RDX: variants seen among roughly 807,000 people sequenced by gnomAD.
The protein encoded by RDX is deafness, autosomal recessive 24.
In RDX, 32 loss-of-function variants were observed where a neutral mutation model predicts 83.7. The observed-to-expected ratio is 0.38, with a 90% CI of 0.29 to 0.51. RDX has a LOEUF of 0.51. RDX is among the 20% of genes least tolerant of loss of function. The pLI is 0.87. For missense variants in RDX, 600 were observed against 689.9 expected, an observed-to-expected ratio of 0.87 and a Z score of 1.46; for synonymous variants, 229 against 222.7, an observed-to-expected ratio of 1.03 and a Z score of -0.25.
chr11:110,196,257 A>G (rs1863205909), intron 15 of RDX: 1 of 152,236 alleles, frequency 6.6e-6, no homozygotes, highest in Admixed American at 6.5e-5. Flanking sequence ...TCAGTTGAAA[A>G]GGCATGACCC....
At chr11:110,281,351 CA>C (rs1336140847) in intron 1 of RDX, among the ~76,000 whole-genome samples, 1 of 148,472 alleles carries the variant, frequency 6.7e-6, no homozygotes, top group Non-Finnish European at 1.5e-5. Flanking sequence ...GATGGAGTCT[CA>C]CTCTGTCGCC....
intron 2 of RDX, among the ~76,000 whole-genome samples, chr11:110,274,551 G>A (rs1164983350): frequency 1.3e-5 from 2 of 152,116 alleles, no homozygotes; most frequent in African/African-American, 2.4e-5. Context: ...GAGCACAGTG[G>A]CAGAATCCCA....
At position 110,286,432 on chromosome 11, in the gene RDX, C is replaced by T. The variant is rs181253195; in HGVS notation, c.-64-6676G>A. Among the ~76,000 whole-genome samples, 196 of 152,334 alleles carry T rather than the reference C, an allele frequency of 1.3e-3. 1 individual carries two copies. The highest frequency in any genetic ancestry group is 4.4e-3 in the African/African-American group (185 of 41,582). On this transcript the variant is annotated intron_variant, in intron 1 of 13. Transcript: ENST00000645495. ...CTGAGGGTAACCCTCAGTCTCCTTT[C>T]TACCTAATGCAATGGAAAAATAGCC...
intron 11 of RDX, 122 bp downstream of exon 11, chr11:110,237,370 A>T: frequency 1.2e-6 from 1 of 852,130 alleles, no homozygotes; most frequent in Non-Finnish European, 1.8e-6. Context: ...TTATTAAGTT[A>T]CATGTTATCT....
chr11:110,276,583 C>G (rs1478430570), intron 2 of RDX, among the ~76,000 whole-genome samples: 2 of 152,134 alleles, frequency 1.3e-5, no homozygotes. Context: ...TAAGAATTAA[C>G]ATTTTTATTA....
intron 3 of RDX, among the ~76,000 whole-genome samples, chr11:110,265,240 A>G (rs1173474822): frequency 1.3e-5 from 2 of 151,424 alleles, no homozygotes; most frequent in Admixed American, 6.6e-5. Flanking sequence ...ACAGGTATGC[A>G]CTACCACGCC....
chr11:110,238,636 G>T (rs1201927442), intron 10 of RDX, among the ~76,000 whole-genome samples: 8 of 152,080 alleles, frequency 5.3e-5, no homozygotes, highest in Non-Finnish European at 8.8e-5. Context: ...GACTTGGAAG[G>T]TTTTAGGCCA....
At chr11:110,192,003 C>T (rs1863111439) in intron 15 of RDX, among the ~76,000 whole-genome samples, 1 of 152,152 alleles carries the variant, frequency 6.6e-6, no homozygotes, top group Admixed American at 6.5e-5. Flanking sequence ...ATCAAACTAC[C>T]AAGGTCATTT....
chr11:110,186,817 G>A (rs1047098917), intron 15 of RDX, among the ~76,000 whole-genome samples: 1 of 152,194 alleles, frequency 6.6e-6, no homozygotes, highest in African/African-American at 2.4e-5. Context: ...AGAGAAGGAT[G>A]CCACTTTTAA....
intron 14 of RDX, among the ~76,000 whole-genome samples, chr11:110,205,984 A>G (rs1863587595): frequency 6.6e-6 from 1 of 152,160 alleles, no homozygotes; most frequent in Non-Finnish European, 1.5e-5. Context: ...AGCCAGACGC[A>G]GTGGCTCATG....
At chr11:110,195,562 G>C (rs1237695929) in intron 15 of RDX, 1 of 152,168 alleles carries the variant, frequency 6.6e-6, no homozygotes, top group Non-Finnish European at 1.5e-5. Context: ...GGCTCAGGCT[G>C]ATGTTAGAAT....
At chr11:110,189,882 A>G (rs1009077856) in intron 15 of RDX, among the ~76,000 whole-genome samples, 1 of 151,962 alleles carries the variant, frequency 6.6e-6, no homozygotes, top group African/African-American at 2.4e-5. Context: ...TCAGGAGTTC[A>G]AGACCAGCCT....
At chr11:110,183,921 G>T (rs1468700777) in intron 15 of RDX, among the ~76,000 whole-genome samples, 2 of 152,192 alleles carry the variant, frequency 1.3e-5, no homozygotes, top group African/African-American at 2.4e-5. Flanking sequence ...TTAGGACTAG[G>T]CCGTGCTTTG....
intron 14 of RDX, among the ~76,000 whole-genome samples, chr11:110,213,192 A>G: frequency 6.6e-6 from 1 of 151,746 alleles, no homozygotes; most frequent in East Asian, 1.9e-4. Context: ...TTATACACCA[A>G]CAACAGACAA....
chr11:110,248,062 C>T (rs1361433613), intron 9 of RDX, among the ~76,000 whole-genome samples: 2 of 152,000 alleles, frequency 1.3e-5, no homozygotes, highest in African/African-American at 4.8e-5. Flanking sequence ...GTAATATAAT[C>T]GACTTTGGTG....
Position 110,296,099 on chromosome 11 carries a change from C to T in RDX, c.-65+368G>A, listed in dbSNP as rs1246290178. Among the ~76,000 whole-genome samples the T allele has an allele frequency of 1.7e-4, 26 of 152,356 alleles. 1 individual carries two copies. The highest frequency in any genetic ancestry group is 1.7e-3 in the Admixed American group (26 of 15,314). On this transcript the variant is annotated intron_variant, in intron 1 of 13. Transcript: ENST00000645495. ...CGGGCCCGGGGCCCAGTCCAGGCAG[C>T]GGGAGCCCACCGTCCCCAGGGCGCT...
chr11:110,270,913 T>C (rs1860279760), intron 3 of RDX, among the ~76,000 whole-genome samples: 1 of 152,236 alleles, frequency 6.6e-6, no homozygotes, highest in Non-Finnish European at 1.5e-5. Flanking sequence ...GTACAATAAA[T>C]GCTAACTCTA....
intron 3 of RDX, among the ~76,000 whole-genome samples, 196 bp from the exon 4 acceptor site, chr11:110,265,070 T>C (rs1300779207): frequency 6.7e-6 from 1 of 149,844 alleles, no homozygotes; most frequent in Admixed American, 6.6e-5. Context: ...CTATACTCAA[T>C]TTTTCTTTTT....
chr11:110,189,253 A>T (rs905070363), intron 15 of RDX, among the ~76,000 whole-genome samples: 177 of 147,338 alleles, frequency 1.2e-3, no homozygotes, highest in African/African-American at 4.1e-3. Flanking sequence ...TAAAAAAAAA[A>T]AAAAAAAAAA....
Sources: allele counts gnomAD v4.1 joint callset (sites outside exome capture counted in the v4.1 genomes callset), GRCh38; gene constraint gnomAD v4.1.1; transcripts MANE v1.5; gene names NCBI Gene and HGNC (gene_info 2026-07-23, HGNC 2026-07-21).